PDE3A: variants seen among roughly 807,000 people sequenced by gnomAD.
PDE3A encodes the protein cGMP-inhibited 3',5'-cyclic phosphodiesterase 3A.
PDE3A carries 43 observed loss-of-function variants against 98.3 expected under a neutral mutation model. The ratio of observed to expected loss-of-function variants is 0.44; its 90% CI spans 0.34 to 0.56. PDE3A has a LOEUF of 0.56. Ranked by LOEUF, PDE3A falls within the 20% of genes least tolerant of loss-of-function variation. PDE3A has a pLI of 0.01. For synonymous variants in PDE3A, 663 were observed against 567.9 expected (o/e 1.17, Z -2.38); for missense variants, 1,427 against 1,440.7 (o/e 0.99, Z 0.15).
chr12:20,450,319 A>G (rs1049685129), intron 1 of PDE3A, among the ~76,000 whole-genome samples: 1 of 152,212 alleles, frequency 6.6e-6, no homozygotes, highest in South Asian at 2.1e-4. Flanking sequence ...CCAGGGGCCA[A>G]TAGGTCACAG....
At chr12:20,640,102 T>C in intron 10 of PDE3A, 145 bp downstream of exon 10, 1 of 519,656 alleles carries the variant, frequency 1.9e-6, no homozygotes, top group Non-Finnish European at 3.5e-6. Flanking sequence ...GATTAGGAAA[T>C]ATCGCCTGTG....
chr12:20,672,454 C>A (rs1190257470), intron 15 of PDE3A, among the ~76,000 whole-genome samples: 1 of 150,474 alleles, frequency 6.6e-6, no homozygotes, highest in African/African-American at 2.5e-5. Context: ...AACTATACTA[C>A]AAGGCTAGAG....
chr12:20,537,849 TAAAA>T (rs33973053), intron 1 of PDE3A, among the ~76,000 whole-genome samples: 36 of 145,180 alleles, frequency 2.5e-4, no homozygotes, highest in African/African-American at 7.3e-4. Context: ...CCTTTGTTCT[TAAAA>T]AAAAAAAAAA....
At chr12:20,492,970 T>C (rs1945854973) in intron 1 of PDE3A, among the ~76,000 whole-genome samples, 1 of 152,306 alleles carries the variant, frequency 6.6e-6, no homozygotes, top group African/African-American at 2.4e-5. Flanking sequence ...CAAGGCACTG[T>C]GTTTCCTAGT....
intron 2 of PDE3A, among the ~76,000 whole-genome samples, chr12:20,579,996 C>A (rs571042804): frequency 4.6e-4 from 70 of 152,216 alleles, no homozygotes; most frequent in African/African-American, 1.6e-3. Context: ...AGGAAAAAAA[C>A]CTAGTATTTG....
At chr12:20,410,947 A>C (rs1022032489) in intron 1 of PDE3A, among the ~76,000 whole-genome samples, 2 of 152,164 alleles carry the variant, frequency 1.3e-5, no homozygotes, top group African/African-American at 4.8e-5. Flanking sequence ...ATTTCCATTT[A>C]GATGTCCCCA....
At chr12:20,672,533 G>A (rs1945513045) in intron 15 of PDE3A, among the ~76,000 whole-genome samples, 1 of 151,692 alleles carries the variant, frequency 6.6e-6, no homozygotes, top group Non-Finnish European at 1.5e-5. Context: ...AGAGCCCTCA[G>A]AAATAACGCT....
chr12:20,669,702 C>A (rs1187515034), intron 15 of PDE3A, among the ~76,000 whole-genome samples: 1 of 151,966 alleles, frequency 6.6e-6, no homozygotes, highest in Non-Finnish European at 1.5e-5. Context: ...GAAGGAAGCA[C>A]TAAACATGGA....
intron 4 of PDE3A, among the ~76,000 whole-genome samples, chr12:20,616,797 G>A (rs1017387673): frequency 1.2e-4 from 19 of 152,052 alleles, no homozygotes; most frequent in Admixed American, 3.3e-4. Context: ...CTGTCTTAGC[G>A]TTGTACAAAA....
rs1565532520 is a variant in PDE3A at position 20,386,102 on chromosome 12, T to TATATATAA, written c.960+15865_960+15866insAATATATA. On this transcript the variant is annotated intron_variant, in intron 1 of 15. Coordinates refer to ENST00000359062, the MANE Select transcript of PDE3A (RefSeq NM_000921.5). Reference sequence around the variant, plus strand: ...ATATAAATATATAAATATATATAAATATATATATAAATATATATAAATATA... The same window carrying TATATATAA: ...ATATAAATATATAAATATATATAAATATATATAAATATATATAAATATATATAAATATA... Among the ~76,000 whole-genome samples the TATATATAA allele has an allele frequency of 5.9e-3, 86 of 14,540 alleles. 1 individual carries two copies. Among genetic ancestry groups the TATATATAA allele is most frequent in the African/African-American group, 0.015 (80 of 5,478 alleles). 9.5% of individuals were successfully genotyped at this position (14,540 alleles called of 152,430 possible).
chr12:20,635,907 G>C (rs914098639), intron 8 of PDE3A, among the ~76,000 whole-genome samples: 2 of 151,946 alleles, frequency 1.3e-5, no homozygotes, highest in African/African-American at 4.8e-5. Flanking sequence ...TCTATTATCT[G>C]GTGATTAGAA....
chr12:20,398,685 T>C (rs1944065847), intron 1 of PDE3A, among the ~76,000 whole-genome samples: 1 of 152,104 alleles, frequency 6.6e-6, no homozygotes, highest in African/African-American at 2.4e-5. Flanking sequence ...TGTTGACAAG[T>C]TTGTTTAGCA....
intron 2 of PDE3A, among the ~76,000 whole-genome samples, chr12:20,606,863 A>AG (rs954828856): frequency 6.6e-6 from 1 of 151,852 alleles, no homozygotes; most frequent in Non-Finnish European, 1.5e-5. Context: ...AAAAAAAAAA[A>AG]AAAAAAATTA....
At chr12:20,377,467 AG>A (rs1565529621) in intron 1 of PDE3A, among the ~76,000 whole-genome samples, 1 of 151,800 alleles carries the variant, frequency 6.6e-6, no homozygotes, top group Non-Finnish European at 1.5e-5. Flanking sequence ...AGTTTGGCCT[AG>A]CCCCATTTCA....
chr12:20,370,417 T>C (rs570756413), intron 1 of PDE3A, among the ~76,000 whole-genome samples, 173 bp downstream of exon 1: 1 of 149,774 alleles, frequency 6.7e-6, no homozygotes, highest in Non-Finnish European at 1.5e-5. Flanking sequence ...TTGTTTTTTT[T>C]TTTTTGTTTT....
At chr12:20,457,599 A>G (rs1450304345) in intron 1 of PDE3A, among the ~76,000 whole-genome samples, 1 of 151,704 alleles carries the variant, frequency 6.6e-6, no homozygotes, top group Non-Finnish European at 1.5e-5. Context: ...TTGACCCAGA[A>G]TAGAATACAG....
intron 1 of PDE3A, among the ~76,000 whole-genome samples, chr12:20,512,708 A>C (rs932379386): frequency 6.6e-6 from 1 of 152,106 alleles, no homozygotes; most frequent in African/African-American, 2.4e-5. Context: ...TACATTTACC[A>C]TTATCAGAGG....
intron 15 of PDE3A, among the ~76,000 whole-genome samples, chr12:20,673,659 A>G (rs1315754592): frequency 2.8e-5 from 4 of 145,152 alleles, no homozygotes; most frequent in East Asian, 2.1e-4. Context: ...ATGAGAACAC[A>G]TGGACACAGG....
chr12:20,403,552 C>T (rs944300771), intron 1 of PDE3A, among the ~76,000 whole-genome samples: 10 of 152,114 alleles, frequency 6.6e-5, no homozygotes, highest in African/African-American at 2.4e-4. Flanking sequence ...GCAGCCTTTT[C>T]TCCATTACAA....
Sources: gnomAD v4.1 joint callset for allele counts (sites outside exome capture counted in the v4.1 genomes callset) on GRCh38, gnomAD v4.1.1 for gene constraint, MANE v1.5 for transcripts, NCBI Gene and HGNC (gene_info 2026-07-23, HGNC 2026-07-21) for gene names.